THSD4: variants seen among roughly 807,000 people sequenced by gnomAD.
THSD4 encodes the protein thrombospondin type-1 domain-containing protein 4.
In THSD4, 69 loss-of-function variants were observed where a neutral mutation model predicts 119.0. That is an observed-to-expected ratio of 0.58 (90% CI 0.48 to 0.71). THSD4 has a LOEUF of 0.71. THSD4 is among the 30% of genes least tolerant of loss of function. The pLI is 0.00. For synonymous variants in THSD4, 524 were observed against 540.4 expected (o/e 0.97, Z 0.42); for missense variants, 1,393 against 1,391.1 (o/e 1.00, Z -0.02).
At chr15:71,223,496 A>G (rs971087642) in intron 4 of THSD4, among the ~76,000 whole-genome samples, 1 of 152,246 alleles carries the variant, frequency 6.6e-6, no homozygotes, top group East Asian at 1.9e-4. Flanking sequence ...TTGGCCCTGC[A>G]AAGTCTTCAT....
chr15:71,655,817 A>G (rs1247277003), intron 7 of THSD4, among the ~76,000 whole-genome samples: 4 of 152,210 alleles, frequency 2.6e-5, no homozygotes, highest in East Asian at 1.9e-4. Context: ...TCAGCGACCA[A>G]TTGATCAGCC....
At chr15:71,728,428 G>A in intron 8 of THSD4, 121 bp from the exon 9 acceptor site, 1 of 1,220,614 alleles carries the variant, frequency 8.2e-7, no homozygotes, top group East Asian at 2.4e-5. Flanking sequence ...TCATTGCCTG[G>A]CACATAGTGG....
intron 7 of THSD4, among the ~76,000 whole-genome samples, chr15:71,485,609 G>C (rs2047803358): frequency 6.6e-6 from 1 of 151,990 alleles, no homozygotes; most frequent in African/African-American, 2.4e-5. Context: ...GGAAATTGGA[G>C]ACAGAAGTGC....
intron 7 of THSD4, among the ~76,000 whole-genome samples, chr15:71,522,923 C>T (rs891751427): frequency 9.2e-5 from 14 of 152,140 alleles, no homozygotes; most frequent in Admixed American, 7.9e-4. Flanking sequence ...GTCTGAACCA[C>T]GGCAAAGGGG....
At chr15:71,424,013 C>T (rs1474696528) in intron 7 of THSD4, among the ~76,000 whole-genome samples, 1 of 151,940 alleles carries the variant, frequency 6.6e-6, no homozygotes, top group Non-Finnish European at 1.5e-5. Flanking sequence ...CCCAAAAGCG[C>T]TCCGACTCTC....
intron 8 of THSD4, among the ~76,000 whole-genome samples, chr15:71,678,742 GC>G (rs1480990438): frequency 6.6e-6 from 1 of 152,088 alleles, no homozygotes; most frequent in Non-Finnish European, 1.5e-5. Context: ...CTGTCCCCAA[GC>G]CAGACACTAT....
At chr15:71,165,253 T>C in intron 3 of THSD4, 2 of 1,566,284 alleles carry the variant, frequency 1.3e-6, no homozygotes, top group Admixed American at 3.3e-5. Context: ...TTCCTTTGTC[T>C]TTAGCAGAAA....
At position 71,765,790 on chromosome 15, in the gene THSD4, CTGTGTGTG is replaced by C. The variant is rs59012463; in HGVS notation, c.2769+615_2769+622del. 3.2e-3 allele frequency among the ~76,000 whole-genome samples: 471 copies of C among 146,302 alleles called. 2 individuals carry two copies. The highest frequency in any genetic ancestry group is 5.3e-3 in the South Asian group (24 of 4,550). ...ACACAAACACACACGCACACACTCT[CTGTGTGTG>C]TGTGTGTGTGTGTGTGTGTGTGTAC... is the stretch of plus-strand genomic sequence containing the variant. On this transcript the variant is annotated intron_variant, in intron 16 of 17. Coordinates refer to ENST00000261862, the MANE Select transcript of THSD4 (RefSeq NM_024817.3).
intron 7 of THSD4, among the ~76,000 whole-genome samples, chr15:71,444,205 A>T (rs181187401): frequency 6.6e-6 from 1 of 152,288 alleles, no homozygotes; most frequent in South Asian, 2.1e-4. Context: ...TTGAGTGTGG[A>T]CAAACTGGTA....
At chr15:71,327,628 C>G (rs1384641878) in intron 6 of THSD4, among the ~76,000 whole-genome samples, 1 of 151,946 alleles carries the variant, frequency 6.6e-6, no homozygotes, top group Non-Finnish European at 1.5e-5. Context: ...CCATTCCCTT[C>G]TTGTCACCCC....
chr15:71,363,118 A>T (rs891596774), intron 6 of THSD4, among the ~76,000 whole-genome samples: 1 of 152,178 alleles, frequency 6.6e-6, no homozygotes, highest in African/African-American at 2.4e-5. Flanking sequence ...AAGGGTACAG[A>T]GTGTGTCTAA....
upstream of THSD4, chr15:71,111,245 T>G (rs752759790): frequency 1.9e-6 from 3 of 1,613,984 alleles, no homozygotes; most frequent in South Asian, 3.3e-5. Flanking sequence ...AAGTGTGGCC[T>G]GAAGACTCCC....
intron 8 of THSD4, among the ~76,000 whole-genome samples, chr15:71,716,561 G>GGTGTGTGTGTGTGTGTGTGTGT (rs57999390): frequency 0.017 from 2,524 of 144,554 alleles, 26 homozygotes; most frequent in Middle Eastern, 0.024. Context: ...TAGAGTGTGG[G>GGTGTGTGTGTGTGTGTGTGTGT]GTGTGTGTGT....
At chr15:71,369,571 T>C (rs967511073) in intron 6 of THSD4, among the ~76,000 whole-genome samples, 1 of 152,244 alleles carries the variant, frequency 6.6e-6, no homozygotes, top group Non-Finnish European at 1.5e-5. Context: ...TCTGTTTATA[T>C]GCTGGATTAT....
intron 7 of THSD4, among the ~76,000 whole-genome samples, chr15:71,569,855 G>T (rs1466155819): frequency 6.6e-6 from 1 of 152,160 alleles, no homozygotes; most frequent in African/African-American, 2.4e-5. Flanking sequence ...TTAGCTGAAC[G>T]TGGTGGTGTG....
chr15:71,710,970 A>G (rs1397208429), intron 8 of THSD4, among the ~76,000 whole-genome samples: 2 of 152,096 alleles, frequency 1.3e-5, no homozygotes, highest in East Asian at 1.9e-4. Flanking sequence ...GGAATTCATT[A>G]TATCTGTTTA....
chr15:71,737,744 A>G lies in THSD4; in HGVS notation c.1643A>G (p.Asn548Ser), dbSNP rs1307505162. The change falls in exon 11 of 18, where the codon AAT (asparagine) becomes AGT (serine). Residue 548 changes from asparagine to serine, a missense_variant. Transcript: ENST00000261862. ...TCACCTCTCCTAGGGGAACCCTTCA[A>G]TGGCCAGATGGTGACAGAAGGCAGG... ...PPHRRPGEPFNGQMVTEGRSQ... is the reference protein window; with the variant it reads ...PPHRRPGEPFSGQMVTEGRSQ... The G allele has an allele frequency of 1.9e-6, 3 of 1,610,428 alleles. No individual in the cohort carries two copies. The highest frequency in any genetic ancestry group is 2.2e-5 in the East Asian group (1 of 44,874).
At chr15:71,682,905 T>TTTC (rs2051821385) in intron 8 of THSD4, among the ~76,000 whole-genome samples, 1 of 52,450 alleles carries the variant, frequency 1.9e-5, no homozygotes, top group African/African-American at 9.6e-5. Flanking sequence ...TCTTTCTTTC[T>TTTC]TTCTTCTTCT....
intron 2 of THSD4, among the ~76,000 whole-genome samples, chr15:71,153,870 A>G (rs779719608): frequency 6.6e-6 from 1 of 152,224 alleles, no homozygotes; most frequent in Non-Finnish European, 1.5e-5. Context: ...ATTTGAAATC[A>G]TGAGACTTTG....
Sources: allele counts gnomAD v4.1 joint callset (sites outside exome capture counted in the v4.1 genomes callset), GRCh38; gene constraint gnomAD v4.1.1; transcripts MANE v1.5; gene names NCBI Gene and HGNC (gene_info 2026-07-23, HGNC 2026-07-21).